C16orf96: variants seen among roughly 807,000 people sequenced by gnomAD.
C16orf96 encodes the protein chromosome 16 open reading frame 96.
C16orf96 carries 108 observed loss-of-function variants against 103.6 expected under a neutral mutation model. The observed-to-expected ratio is 1.04, with a 90% confidence interval of 0.89 to 1.22. The LOEUF is 1.22. Among genes scored for constraint, C16orf96 ranks in the 50% most tolerant of loss-of-function variants. C16orf96 has a pLI of 0.00. For synonymous variants in C16orf96, 566 were observed against 593.5 expected (o/e 0.95, Z 0.67); for missense variants, 1,586 against 1,464.2 (o/e 1.08, Z -1.36).
the C16orf96 span, among the ~76,000 whole-genome samples, chr16:4,549,551 A>G: frequency 2.0e-5 from 3 of 151,712 alleles, no homozygotes; most frequent in Non-Finnish European, 4.4e-5. Context: ...TAATCTCAGC[A>G]CGTTGGGAGG....
chr16:4,574,471 C>T (rs1443620469), intron 2 of C16orf96, among the ~76,000 whole-genome samples: 2 of 152,184 alleles, frequency 1.3e-5, no homozygotes, highest in Non-Finnish European at 2.9e-5. Flanking sequence ...ATCCACCCAC[C>T]TTGACCTCTC....
At position 4,576,117 on chromosome 16, in the gene C16orf96, A is replaced by G. The variant is rs1295009716; in HGVS notation, c.1637A>G (p.Asp546Gly). 1.9e-6 allele frequency: 3 copies of G among 1,551,530 alleles called. No individual in the cohort carries two copies. Among genetic ancestry groups the G allele is most frequent in the Non-Finnish European group, 2.6e-6 (3 of 1,146,972 alleles). Residue 546 changes from aspartate to glycine, a missense_variant, in exon 5 of 16, where the codon GAT (aspartate) becomes GGT (glycine). Physicochemically the swap from Asp to Gly is moderately conservative, Grantham distance 94 (BLOSUM62 -1). Transcript: ENST00000444310. ...DGDPKDRVGKDGAPKEAQPKA... is the reference protein window; with the variant it reads ...DGDPKDRVGKGGAPKEAQPKA... ...GACCCCAAGGATAGAGTTGGCAAGGATGGGGCCCCCAAGGAAGCACAGCCT... is the reference window on the plus strand; with the variant it reads ...GACCCCAAGGATAGAGTTGGCAAGGGTGGGGCCCCCAAGGAAGCACAGCCT...
At chr16:4,548,418 G>C in the C16orf96 span, among the ~76,000 whole-genome samples, 3 of 152,208 alleles carry the variant, frequency 2.0e-5, no homozygotes, top group Admixed American at 6.5e-5. Flanking sequence ...TGGGGCAGCA[G>C]GAGTGCTGTA....
intron 5 of C16orf96, among the ~76,000 whole-genome samples, chr16:4,578,025 G>A (rs2059534488): frequency 2.6e-5 from 4 of 152,096 alleles, no homozygotes. Flanking sequence ...TGGGAAGATT[G>A]CTTGAGCCTA....
At position 4,556,440 on chromosome 16, in the gene C16orf96, T is replaced by C. The variant is rs1286944415; in HGVS notation, c.-50T>C. 8 of 1,473,568 alleles carry C rather than the reference T, an allele frequency of 5.4e-6. No individual in the cohort carries two copies. The highest frequency in any genetic ancestry group is 7.2e-6 in the Non-Finnish European group (8 of 1,105,130). 91.3% of individuals were successfully genotyped at this position (1,473,568 alleles called of 1,614,324 possible). A position where few individuals can be genotyped will look rare whatever the true frequency, so the allele number is the denominator to read the frequency against. On this transcript the variant is annotated 5_prime_UTR_variant, in exon 1 of 16. Transcript: ENST00000444310. Reference sequence around the variant, plus strand: ...CTCGGAACCACTGAAAGCTACCCCTTGTCCTTGAGGACACCTGGAACCCCA... The same window carrying C: ...CTCGGAACCACTGAAAGCTACCCCTCGTCCTTGAGGACACCTGGAACCCCA...
At position 4,578,815 on chromosome 16, in the gene C16orf96, G is replaced by A. The variant is rs1056514400; in HGVS notation, c.2156-125G>A. 4 of 493,960 alleles carry A rather than the reference G, an allele frequency of 8.1e-6. No individual in the cohort carries two copies. The East Asian group carries it at 1.3e-4, about 16-fold the overall frequency. 30.6% of individuals were successfully genotyped at this position (493,960 alleles called of 1,614,324 possible). On this transcript the variant is annotated intron_variant, in intron 5 of 15. Coordinates refer to ENST00000444310, the MANE Select transcript of C16orf96 (RefSeq NM_001145011.2). ...TAAATAAAAAGGTACCACAAGCTGC[G>A]AGGCCCAGTGCATTTCCACTGGGCA... is the stretch of plus-strand genomic sequence containing the variant.
At chr16:4,546,596 C>G in the C16orf96 span, among the ~76,000 whole-genome samples, 1 of 151,582 alleles carries the variant, frequency 6.6e-6, no homozygotes, top group Non-Finnish European at 1.5e-5. Flanking sequence ...TCCTGAGGAG[C>G]TAGGACTACA....
chr16:4,593,255 C>T lies in C16orf96; in HGVS notation c.2806C>T (p.Leu936=). Residue 936 remains leucine, a synonymous_variant, in exon 12 of 16, where the codon CTG becomes TTG. Transcript: ENST00000444310. The surrounding 1 kb of genome is among the most constrained non-coding windows in gnomAD (Gnocchi z 4.2). The stretch of plus-strand genomic sequence containing the variant: ...GATCACCATCCGCAAAGCCCACCTG[C>T]TGTCCCGGCTGCGGCCAGCCAGCGC... The part of the protein sequence containing the change: ...QLITIRKAHL[L]SRLRPASANS... The T allele has an allele frequency of 6.4e-7, 1 of 1,551,146 alleles. No individual in the cohort carries two copies. The highest frequency in any genetic ancestry group is 8.7e-7 in the Non-Finnish European group (1 of 1,146,896).
Position 4,575,278 on chromosome 16 carries a change from G to C in C16orf96, c.798G>C (p.Gln266His), listed in dbSNP as rs2059488968. ...ACCTTGAAGCTACTCGTGCCATCCAGGTCTCCGAGCCCGTCCAAAACCCCC... is the reference window on the plus strand; with the variant it reads ...ACCTTGAAGCTACTCGTGCCATCCACGTCTCCGAGCCCGTCCAAAACCCCC... ...TKYLEATRAI[Q>H]VSEPVQNPQL... Residue 266 changes from glutamine (Q) to histidine (H), a missense_variant, in exon 5 of 16, where the codon CAG becomes CAC. Physicochemically the swap from Gln to His is conservative, Grantham distance 24 (BLOSUM62 0). Coordinates refer to ENST00000444310, the MANE Select transcript of C16orf96 (RefSeq NM_001145011.2). 1.3e-6 allele frequency: 2 copies of C among 1,550,522 alleles called. No homozygotes were observed. Among genetic ancestry groups the C allele is most frequent in the South Asian group, 2.4e-5 (2 of 84,064 alleles).
the C16orf96 span, among the ~76,000 whole-genome samples, chr16:4,540,323 A>C: frequency 2.6e-5 from 4 of 152,192 alleles, no homozygotes; most frequent in Non-Finnish European, 5.9e-5. Context: ...TTGAAAAGAC[A>C]TTCTATTCTG....
intron 12 of C16orf96, among the ~76,000 whole-genome samples, chr16:4,594,018 G>A (rs1897116214): frequency 6.6e-6 from 1 of 152,160 alleles, no homozygotes; most frequent in African/African-American, 2.4e-5. Flanking sequence ...CACAGCCGTG[G>A]GAAGGGGAGG....
upstream of C16orf96, among the ~76,000 whole-genome samples, chr16:4,555,632 G>A (rs1641858): frequency 0.96 from 145,080 of 151,860 alleles, 69,655 homozygotes; most frequent in East Asian, 1. Flanking sequence ...TGGCCTCCCA[G>A]AGTGCTGGGA....
At position 4,576,602 on chromosome 16, in the gene C16orf96, T is replaced by C; in HGVS notation, c.2122T>C (p.Ser708Pro). The C allele has an allele frequency of 6.4e-7, 1 of 1,551,508 alleles. No homozygotes were observed. Among genetic ancestry groups the C allele is most frequent in the Non-Finnish European group, 8.7e-7 (1 of 1,146,948 alleles). The change falls in exon 5 of 16, where the codon TCC (serine) becomes CCC (proline). Residue 708 changes from serine to proline, a missense_variant. Transcript: ENST00000444310. Reference sequence around the variant, plus strand: ...TCTGAAGGAAGAATTTGCCCAGCTGTCCTGTAACCTGAACCAGCGCTTGAG... The same window carrying C: ...TCTGAAGGAAGAATTTGCCCAGCTGCCCTGTAACCTGAACCAGCGCTTGAG... The part of the protein sequence containing the change: ...DSLKEEFAQL[S>P]CNLNQRLSYL...
chr16:4,548,252 C>T, the C16orf96 span, among the ~76,000 whole-genome samples: 1 of 152,168 alleles, frequency 6.6e-6, no homozygotes, highest in Non-Finnish European at 1.5e-5. Flanking sequence ...TATTTTCAGG[C>T]TTGCAGAGGA....
At chr16:4,551,620 T>C (rs1328183274), upstream of C16orf96, among the ~76,000 whole-genome samples, 1 of 147,486 alleles carries the variant, frequency 6.8e-6, no homozygotes, top group Non-Finnish European at 1.5e-5. Flanking sequence ...CCTGGCTGAT[T>C]TTTTGTATTT....
At chr16:4,540,954 A>AC in the C16orf96 span, among the ~76,000 whole-genome samples, 1 of 144,274 alleles carries the variant, frequency 6.9e-6, no homozygotes. Flanking sequence ...TCGCTCTGTC[A>AC]CCAGGCTGGA....
At chr16:4,581,276 A>C (rs1228777783) in intron 7 of C16orf96, among the ~76,000 whole-genome samples, 1 of 148,596 alleles carries the variant, frequency 6.7e-6, no homozygotes, top group African/African-American at 2.5e-5. Context: ...TGGAGGTTGC[A>C]CTGAGCTGAG....
upstream of C16orf96, among the ~76,000 whole-genome samples, chr16:4,552,794 G>C (rs991745681): frequency 1.3e-5 from 2 of 152,150 alleles, no homozygotes; most frequent in African/African-American, 2.4e-5. Context: ...GCAGATGAGA[G>C]ATCTGTTGTT....
chr16:4,544,522 G>A, the C16orf96 span, among the ~76,000 whole-genome samples: 1 of 152,204 alleles, frequency 6.6e-6, no homozygotes, highest in Non-Finnish European at 1.5e-5. Flanking sequence ...TGGGAGGATC[G>A]CTTAAGACCG....
Sources: gnomAD v4.1 joint callset for allele counts (sites outside exome capture counted in the v4.1 genomes callset) on GRCh38, gnomAD v4.1.1 for gene constraint, Gnocchi (gnomAD v3.1) non-coding constraint, MANE v1.5 for transcripts, NCBI Gene and HGNC (gene_info 2026-07-23, HGNC 2026-07-21) for gene names.